BCORL1: variants seen among roughly 807,000 people sequenced by gnomAD.
BCORL1 encodes BCL6 corepressor like 1, also known as BCL-6 corepressor-like protein 1.
Under a neutral mutation model 87.6 loss-of-function variants are expected in BCORL1, and 7 were observed. The ratio of observed to expected loss-of-function variants is 0.08; its 90% CI spans 0.05 to 0.15. The LOEUF is 0.15. BCORL1 is among the 10% of genes least tolerant of loss of function. BCORL1 has a pLI of 1.00. For synonymous variants in BCORL1, 591 were observed against 634.4 expected (o/e 0.93, Z 1.03); for missense variants, 1,215 against 1,499.7 (o/e 0.81, Z 3.13).
upstream of BCORL1, chrX:129,981,272 C>T (rs1815386208): frequency 9.0e-6 from 1 of 111,191 alleles, no homozygotes; most frequent in African/African-American, 3.3e-5. Context: ...CCGCCACAGT[C>T]CTTTTACTCT....
intron 1 of BCORL1, among the ~76,000 whole-genome samples, chrX:129,984,223 TGCC>T (rs1177302718): frequency 6.8e-5 from 7 of 102,690 alleles, no homozygotes; most frequent in Non-Finnish European, 1.0e-4. Context: ...CCGCAGCCGT[TGCC>T]GCCGCCGCCG....
rs540628719 is a variant in BCORL1 at position 130,009,999 on chromosome X, C to A, written c.87-2579C>A. ...CCCTCTTCTCAGAGGATTTGAAACA[C>A]GGCTGCATGACATTTTGCAGCGCCT... is the stretch of plus-strand genomic sequence containing the variant. On this transcript the variant is annotated intron_variant, in intron 2 of 13. Transcript: ENST00000540052. Among the ~76,000 whole-genome samples, 4 of 112,082 alleles carry A rather than the reference C, an allele frequency of 3.6e-5. No individual in the cohort carries two copies. In the South Asian group the frequency reaches 1.5e-3, roughly 42 times the overall value.
At chrX:130,034,238 T>A (rs1004360937) in intron 8 of BCORL1, among the ~76,000 whole-genome samples, 2 of 112,045 alleles carry the variant, frequency 1.8e-5, no homozygotes, top group Admixed American at 9.5e-5. Context: ...CATGGGAACC[T>A]GTGTTGATCC....
intron 11 of BCORL1, among the ~76,000 whole-genome samples, chrX:130,041,695 C>G (rs984687616): frequency 2.7e-5 from 3 of 109,895 alleles, no homozygotes; most frequent in African/African-American, 1.0e-4. Context: ...GGCGTGATCT[C>G]AGCTCACTGC....
At chrX:129,986,146 A>G (rs1926597222) in intron 1 of BCORL1, among the ~76,000 whole-genome samples, 2 of 112,153 alleles carry the variant, frequency 1.8e-5, no homozygotes, top group South Asian at 7.3e-4. Context: ...GAGGAAGGAG[A>G]GGGGTTTCAC....
At chrX:130,009,836 C>T (rs897483996) in intron 2 of BCORL1, among the ~76,000 whole-genome samples, 1 of 111,027 alleles carries the variant, frequency 9.0e-6, no homozygotes, top group Non-Finnish European at 1.9e-5. Context: ...TCCCTCCTGC[C>T]GCCCGCCTCC....
chrX:130,048,526 AAG>A (rs1931889532), intron 11 of BCORL1, among the ~76,000 whole-genome samples: 1 of 112,135 alleles, frequency 8.9e-6, no homozygotes, highest in Admixed American at 9.5e-5. Flanking sequence ...AGGTAGGAAT[AAG>A]AGGTGAAACA....
At chrX:129,985,507 C>T (rs374224760) in intron 1 of BCORL1, among the ~76,000 whole-genome samples, 1 of 111,392 alleles carries the variant, frequency 9.0e-6, no homozygotes, top group African/African-American at 3.3e-5. Context: ...AGAATCATCC[C>T]GGGGCTCCAA....
At chrX:130,030,141 A>G (rs765144061) in intron 8 of BCORL1, among the ~76,000 whole-genome samples, 1 of 112,091 alleles carries the variant, frequency 8.9e-6, no homozygotes, top group East Asian at 2.8e-4. Flanking sequence ...CTGTCTCACA[A>G]GGGTGCTTGG....
At chrX:130,021,192 G>T in intron 5 of BCORL1, 42 bp downstream of exon 5, 1 of 1,172,755 alleles carries the variant, frequency 8.5e-7, no homozygotes, top group East Asian at 3.1e-5. Flanking sequence ...GGCTGCAGAG[G>T]GATCCCCAGG....
Position 130,014,999 on chromosome X carries a change from C to A in BCORL1, c.2227C>A (p.Arg743Ser). 8.3e-7 allele frequency: 1 copy of A among 1,211,866 alleles called. No individual in the cohort carries two copies. Among genetic ancestry groups the A allele is most frequent in the Non-Finnish European group, 1.1e-6 (1 of 895,562 alleles). The change falls in exon 4 of 14, where the codon CGC becomes AGC. Residue 743 changes from arginine (R) to serine (S), a missense_variant. Physicochemically the swap from Arg to Ser is moderately radical, Grantham distance 110. This residue lies in a region of BCORL1 where 861 missense variants were observed against 1,010.0 expected (regional missense o/e 0.85). Coordinates refer to ENST00000540052, the MANE Select transcript of BCORL1 (RefSeq NM_001379451.1). The part of the protein sequence containing the change: ...DPNLGLNRDP[R>S]HLPKQEPISI... ...CAACCTGGGCCTCAACCGTGACCCC[C>A]GCCATCTCCCCAAGCAGGAGCCCAT...
intron 1 of BCORL1, among the ~76,000 whole-genome samples, chrX:129,993,767 C>T (rs1465819103): frequency 1.8e-5 from 2 of 111,371 alleles, no homozygotes; most frequent in South Asian, 3.7e-4. Flanking sequence ...TACGTATGGT[C>T]CTTTTTTTTA....
At position 130,015,856 on chromosome X, in the gene BCORL1, C is replaced by T; in HGVS notation, c.3084C>T (p.Ser1028=). The T allele has an allele frequency of 8.3e-7, 1 of 1,211,869 alleles. No homozygotes were observed. The highest frequency in any genetic ancestry group is 1.1e-6 in the Non-Finnish European group (1 of 895,586). The change falls in exon 4 of 14, where the codon AGC becomes AGT. Residue 1028 remains serine, a synonymous_variant. Transcript: ENST00000540052. ...AACTTATATTGGACGTGGTTCCGAG[C>T]AGCAGGAGGGGCTCCAGCACAGAGC... ...PKELILDVVP[S]SRRGSSTERP... is the part of the protein sequence containing the mutation.
At chrX:130,001,974 A>T (rs1928084902) in intron 1 of BCORL1, among the ~76,000 whole-genome samples, 2 of 110,757 alleles carry the variant, frequency 1.8e-5, no homozygotes, top group African/African-American at 6.6e-5. Flanking sequence ...GTGAGAGCTG[A>T]TGAGGGCCTG....
rs975993471 is a variant in BCORL1, at chrX:130,053,296, C to T, written c.5075+1280C>T. On this transcript the variant is annotated intron_variant, in intron 13 of 13. Transcript: ENST00000540052. ...TTTCTTTGCATCCCCTGCCCTCCCC[C>T]CCACCACCCCACACGCATAGCCTGA... Among the ~76,000 whole-genome samples the T allele has an allele frequency of 8.2e-5, 9 of 109,374 alleles. No homozygotes were observed. In the East Asian group the frequency reaches 1.4e-3, roughly 17 times the overall value. 95.0% of individuals were successfully genotyped at this position (109,374 alleles called of 115,157 possible). A position where few individuals can be genotyped will look rare whatever the true frequency, so the allele number is the denominator to read the frequency against.
intron 1 of BCORL1, 53 bp downstream of exon 1, chrX:129,982,815 G>C (rs1378096195): frequency 9.1e-6 from 1 of 110,178 alleles, no homozygotes; most frequent in African/African-American, 3.3e-5. Context: ...AGTATTAGGC[G>C]GGTGGCGGTT....
chrX:130,054,518 G>A lies in BCORL1; in HGVS notation c.5076-1336G>A, dbSNP rs202110424. 5.4e-5 allele frequency among the ~76,000 whole-genome samples: 6 copies of A among 110,675 alleles called. No individual in the cohort carries two copies. The East Asian group carries it at 1.7e-3, about 31-fold the overall frequency. On this transcript the variant is annotated intron_variant, in intron 13 of 13. Transcript: ENST00000540052. ...TCATGTGGCTGGTGCTTGGTAGGGT[G>A]GGGGATACAATGTGGGGTGTGTGTG...
At chrX:130,037,566 C>T in intron 10 of BCORL1, 33 bp downstream of exon 10, 11 of 1,177,816 alleles carry the variant, frequency 9.3e-6, no homozygotes, top group African/African-American at 7.0e-5. Flanking sequence ...CAGTCCCGCC[C>T]TCACTCCCAG....
intron 2 of BCORL1, chrX:130,010,578 C>T (rs1928864219): frequency 9.0e-6 from 1 of 111,211 alleles, no homozygotes; most frequent in Non-Finnish European, 1.9e-5. Flanking sequence ...AGCCTTTCCC[C>T]CTCGGTTAGC....
Sources: gnomAD v4.1 joint callset for allele counts (sites outside exome capture counted in the v4.1 genomes callset) on GRCh38, gnomAD v4.1.1 for gene constraint, gnomAD v4.1.1 regional missense constraint, MANE v1.5 for transcripts, NCBI Gene and HGNC (gene_info 2026-07-23, HGNC 2026-07-21) for gene names.